The following SPIRE2 variants were observed in gnomAD, a reference collection of about 807,000 sequenced individuals.
SPIRE2 encodes the protein protein spire homolog 2.
Under a neutral mutation model 80.7 loss-of-function variants are expected in SPIRE2, and 76 were observed. The ratio of observed to expected loss-of-function variants is 0.94; its 90% confidence interval spans 0.78 to 1.14. SPIRE2 has a LOEUF of 1.14. SPIRE2 is among the 50% of genes most tolerant of loss of function. The probability of loss-of-function intolerance (pLI) is 0.00; values close to 1 mark genes in which losing one functional copy is unlikely to be tolerated. For missense variants in SPIRE2, 1,196 were observed against 1,015.3 expected (o/e 1.18, Z -2.42); for synonymous variants, 535 against 432.6 (o/e 1.24, Z -2.94).
At chr16:89,844,491 T>TGC (rs2041538472) in intron 1 of SPIRE2, among the ~76,000 whole-genome samples, 1 of 150,808 alleles carries the variant, frequency 6.6e-6, no homozygotes, top group Non-Finnish European at 1.5e-5. Context: ...CAGGCTGGAG[T>TGC]GCAGTGGTGC....
At chr16:89,844,809 C>G (rs1361349269) in intron 1 of SPIRE2, among the ~76,000 whole-genome samples, 1 of 152,206 alleles carries the variant, frequency 6.6e-6, no homozygotes, top group Non-Finnish European at 1.5e-5. Context: ...TTTTGAACTC[C>G]TGGCTGCTAG....
chr16:89,850,507 C>T lies in SPIRE2; in HGVS notation c.492C>T (p.Ser164=), dbSNP rs765487189. 7.2e-6 allele frequency: 11 copies of T among 1,523,966 alleles called. No homozygotes were observed. The East Asian group carries it at 1.9e-4, about 26-fold the overall frequency. The allele number at this position is 1,523,966 out of a possible 1,614,324, so 94.4% of individuals were successfully genotyped here. Residue 164 remains serine, a synonymous_variant, in exon 3 of 15, where the codon AGC becomes AGT. Coordinates refer to ENST00000378247, the MANE Select transcript of SPIRE2 (RefSeq NM_032451.2). ...EEEEAEGVPR[S]VRTFAQAMRL... ...AGGAGGCCGAGGGCGTCCCCCGCAG[C>T]GTGCGCACCTTTGCCCAGGCCATGC... is the stretch of plus-strand genomic sequence containing the variant.
At chr16:89,847,480 G>A (rs1458441404) in intron 2 of SPIRE2, among the ~76,000 whole-genome samples, 2 of 152,254 alleles carry the variant, frequency 1.3e-5, no homozygotes, top group African/African-American at 2.4e-5. Flanking sequence ...TCCAAAGGGG[G>A]CCTGCCGTGG....
At chr16:89,851,762 G>A (rs910581944) in intron 3 of SPIRE2, among the ~76,000 whole-genome samples, 2 of 152,064 alleles carry the variant, frequency 1.3e-5, no homozygotes, top group Non-Finnish European at 2.9e-5. Context: ...GGAGGAGAAC[G>A]CCAGGCCTTG....
chr16:89,833,842 C>T (rs965750438), intron 1 of SPIRE2, among the ~76,000 whole-genome samples: 63 of 152,124 alleles, frequency 4.1e-4, no homozygotes, highest in African/African-American at 1.5e-3. Context: ...GGAGCTCCTC[C>T]GGGGCGTGTT....
Position 89,828,597 on chromosome 16 carries a change from G to A in SPIRE2, c.47G>A (p.Arg16Gln), listed in dbSNP as rs1327019577. ...SCGGAAAGAG[R>Q]PEPWELSLEE... ...GGCGGCGCCGCGGCGGGCGCAGGGC[G>A]GCCGGAGCCCTGGGAGCTGTCCCTG... Residue 16 changes from arginine to glutamine, a missense_variant, in exon 1 of 15, where the codon CGG becomes CAG. By Grantham distance (43) the Arg-to-Gln change is conservative (BLOSUM62 1). Coordinates refer to ENST00000378247, the MANE Select transcript of SPIRE2 (RefSeq NM_032451.2). This position sits in a 1 kb window ranked among gnomAD's most constrained non-coding sequence, Gnocchi z 5.9. 1.7e-5 allele frequency: 21 copies of A among 1,216,496 alleles called. No homozygotes were observed. Among genetic ancestry groups the A allele is most frequent in the Non-Finnish European group, 2.1e-5 (20 of 974,684 alleles). 75.4% of individuals were successfully genotyped at this position (1,216,496 alleles called of 1,614,324 possible). A position where few individuals can be genotyped will look rare whatever the true frequency, so the allele number is the denominator to read the frequency against.
At chr16:89,845,294 A>G (rs1267209161) in intron 1 of SPIRE2, 28 bp from the exon 2 acceptor site, 1 of 1,613,200 alleles carries the variant, frequency 6.2e-7, no homozygotes. Flanking sequence ...GATGCTGACA[A>G]ATAACTTAAC....
intron 13 of SPIRE2, among the ~76,000 whole-genome samples, chr16:89,869,053 A>AATATATATATATATATATATATATAT (rs1555601129): frequency 1.2e-4 from 3 of 24,014 alleles, no homozygotes; most frequent in African/African-American, 3.3e-4. Flanking sequence ...AAAAAAAAAA[A>AATATATATATATATATATATATATAT]ATATATATAT....
chr16:89,835,611 CAGA>C (rs1445682993), intron 1 of SPIRE2, among the ~76,000 whole-genome samples: 1 of 152,248 alleles, frequency 6.6e-6, no homozygotes, highest in Admixed American at 6.5e-5. Context: ...TGCAGGAAGA[CAGA>C]AGGTTTCGGC....
chr16:89,855,842 C>A, intron 6 of SPIRE2, 156 bp downstream of exon 6: 1 of 911,458 alleles, frequency 1.1e-6, no homozygotes, highest in Non-Finnish European at 1.6e-6. Context: ...CTTCCTCTTG[C>A]CTGTGTGCCA....
At chr16:89,853,413 G>A (rs2041656100) in intron 3 of SPIRE2, among the ~76,000 whole-genome samples, 1 of 152,238 alleles carries the variant, frequency 6.6e-6, no homozygotes, top group Non-Finnish European at 1.5e-5. Context: ...TCCATGGGGT[G>A]TAGCTGTGTC....
chr16:89,834,387 A>G (rs1267526032), intron 1 of SPIRE2, among the ~76,000 whole-genome samples: 1 of 135,250 alleles, frequency 7.4e-6, no homozygotes, highest in Non-Finnish European at 1.7e-5. Flanking sequence ...CTGGATAAGC[A>G]TAGCCCGTGT....
In SPIRE2 at chr16:89,870,500, G is replaced by C. The variant is rs754284942; in HGVS notation, c.*228G>C. ...TGTTTCTTCTCAGGATTCCTTGCCA[G>C]GGAGGAAGGGGAGGGAACAGGGTGG... On this transcript the variant is annotated 3_prime_UTR_variant, in exon 15 of 15. Transcript: ENST00000378247. The C allele has an allele frequency of 2.0e-5, 10 of 487,924 alleles. No individual in the cohort carries two copies. Among genetic ancestry groups the C allele is most frequent in the Admixed American group, 3.5e-5 (1 of 28,438 alleles). The allele number at this position is 487,924 out of a possible 1,614,324, so 30.2% of individuals were successfully genotyped here.
chr16:89,850,714 C>G, intron 3 of SPIRE2, 54 bp downstream of exon 3: 1 of 1,111,870 alleles, frequency 9.0e-7, no homozygotes, highest in Admixed American at 3.1e-5. Flanking sequence ...GGGAGGGGAG[C>G]AGTGGGTGGG....
intron 1 of SPIRE2, among the ~76,000 whole-genome samples, chr16:89,840,818 T>C (rs990534716): frequency 2.7e-5 from 4 of 150,584 alleles, no homozygotes; most frequent in East Asian, 2.0e-4. Flanking sequence ...TTGTATTTTT[T>C]AGTAGAGACG....
At chr16:89,847,185 C>G (rs2041570073) in intron 2 of SPIRE2, 1 of 152,188 alleles carries the variant, frequency 6.6e-6, no homozygotes, top group Admixed American at 6.5e-5. Context: ...TGATAAGGCA[C>G]CTGCCACCGT....
intron 1 of SPIRE2, among the ~76,000 whole-genome samples, chr16:89,843,398 G>C (rs971150433): frequency 6.6e-6 from 1 of 152,060 alleles, no homozygotes; most frequent in Non-Finnish European, 1.5e-5. Flanking sequence ...CGTGACTCCA[G>C]CTTCCACCTG....
intron 13 of SPIRE2, among the ~76,000 whole-genome samples, chr16:89,869,031 T>TAAAA (rs766356633): frequency 0.016 from 394 of 23,920 alleles, 52 homozygotes; most frequent in African/African-American, 0.028. Flanking sequence ...ATCTGTGTCT[T>TAAAA]AAAAAAAAAA....
intron 2 of SPIRE2, chr16:89,849,930 C>G: frequency 5.4e-6 from 2 of 369,002 alleles, no homozygotes; most frequent in Non-Finnish European, 1.0e-5. Context: ...CTCCACCTCC[C>G]AGGTTCAAGC....
Sources: allele counts gnomAD v4.1 joint callset (sites outside exome capture counted in the v4.1 genomes callset), GRCh38; gene constraint gnomAD v4.1.1; non-coding constraint Gnocchi (gnomAD v3.1); transcripts MANE v1.5; gene names NCBI Gene and HGNC (gene_info 2026-07-23, HGNC 2026-07-21).